The following NTM variants were observed in gnomAD, a reference collection of about 807,000 sequenced individuals.
NTM encodes the protein neurotrimin.
A neutral mutation model predicts 42.1 loss-of-function variants in NTM; 13 were observed. The observed-to-expected ratio is 0.31, with a 90% CI of 0.20 to 0.49. The LOEUF is 0.49. Among genes scored for constraint, NTM ranks in the 20% least tolerant of loss-of-function variants. NTM has a pLI of 0.99. For missense variants in NTM, 373 were observed against 452.8 expected, an observed-to-expected ratio of 0.82 and a Z score of 1.60; for synonymous variants, 187 against 179.2, an observed-to-expected ratio of 1.04 and a Z score of -0.35.
intron 4 of NTM, among the ~76,000 whole-genome samples, chr11:132,252,606 TAAAAG>T (rs2092066975): frequency 6.6e-6 from 1 of 152,148 alleles, no homozygotes; most frequent in African/African-American, 2.4e-5. Flanking sequence ...AGTTGGTTAA[TAAAAG>T]AGAGAGAAAA....
chr11:131,670,688 C>T (rs933982960), intron 1 of NTM, among the ~76,000 whole-genome samples: 3 of 152,276 alleles, frequency 2.0e-5, no homozygotes, highest in African/African-American at 7.2e-5. Context: ...TACTGTGTCC[C>T]CTTCTCCTCC....
intron 1 of NTM, among the ~76,000 whole-genome samples, chr11:131,804,085 G>T (rs894999491): frequency 6.6e-5 from 10 of 152,040 alleles, no homozygotes; most frequent in Non-Finnish European, 1.3e-4. Context: ...TTTTAACTTT[G>T]CTATTTCGTA....
At chr11:131,874,154 G>T (rs1159777854) in intron 1 of NTM, among the ~76,000 whole-genome samples, 1 of 147,226 alleles carries the variant, frequency 6.8e-6, no homozygotes, top group Non-Finnish European at 1.5e-5. Flanking sequence ...GTCTCACCTG[G>T]GCTCCCACAG....
chr11:131,598,844 TCTTTCTTCCTTC>T (rs1206750215), intron 1 of NTM, among the ~76,000 whole-genome samples: 1 of 37,426 alleles, frequency 2.7e-5, no homozygotes, highest in African/African-American at 8.2e-5. Flanking sequence ...TTTCTTTCTT[TCTTTCTTCCTTC>T]CTTCCTTCCT....
intron 2 of NTM, among the ~76,000 whole-genome samples, chr11:132,006,466 T>G (rs1319833466): frequency 6.6e-6 from 1 of 152,218 alleles, no homozygotes; most frequent in Non-Finnish European, 1.5e-5. Flanking sequence ...GGCAGCCTCT[T>G]TTTGAAATAG....
chr11:132,253,811 A>G (rs1412475627), intron 4 of NTM, among the ~76,000 whole-genome samples: 4 of 152,184 alleles, frequency 2.6e-5, no homozygotes, highest in African/African-American at 9.6e-5. Context: ...TGAAGATGAT[A>G]AAGACCTCCT....
chr11:131,550,937 G>T (rs1168364943), intron 1 of NTM, among the ~76,000 whole-genome samples: 1 of 152,106 alleles, frequency 6.6e-6, no homozygotes, highest in African/African-American at 2.4e-5. Flanking sequence ...GTTTGTTAAT[G>T]CTGTTGCCCT....
chr11:132,060,979 A>G (rs1594229285), intron 2 of NTM, among the ~76,000 whole-genome samples: 2 of 152,290 alleles, frequency 1.3e-5, no homozygotes, highest in East Asian at 1.9e-4. Context: ...TTAAGATGGC[A>G]TTTTGTGAAT....
intron 2 of NTM, among the ~76,000 whole-genome samples, chr11:132,074,794 T>C (rs965313996): frequency 6.6e-6 from 1 of 152,174 alleles, no homozygotes; most frequent in African/African-American, 2.4e-5. Context: ...TATACCACTG[T>C]AGGATGACTA....
At chr11:131,588,566 A>C (rs2059085942) in intron 1 of NTM, among the ~76,000 whole-genome samples, 1 of 152,226 alleles carries the variant, frequency 6.6e-6, no homozygotes, top group Non-Finnish European at 1.5e-5. Context: ...AAAACCAGTG[A>C]TAGCCAGAGG....
Position 132,146,426 on chromosome 11 carries a change from C to A in NTM, c.312C>A (p.Asn104Lys). The change falls in exon 3 of 9, where the codon AAC becomes AAA. Residue 104 changes from asparagine to lysine, a missense_variant. Asn to Lys is a moderately conservative substitution (Grantham distance 94, BLOSUM62 0). Around this residue, in one of 3 missense-constraint regions of NTM, gnomAD observed 312 missense variants for 353.5 expected, o/e 0.88. Transcript: ENST00000683400. This position sits in a 1 kb window ranked among gnomAD's most constrained non-coding sequence, Gnocchi z 4.5. Reference protein sequence around the residue: ...TQTQYSIEIQNVDVYDEGPYT... With the variant: ...TQTQYSIEIQKVDVYDEGPYT... ...CGCAGTACAGCATCGAGATCCAGAA[C>A]GTGGATGTGTATGACGAGGGCCCTT... 1 of 1,614,194 alleles carries A rather than the reference C, an allele frequency of 6.2e-7. No homozygotes were observed. The highest frequency in any genetic ancestry group is 2.2e-5 in the East Asian group (1 of 44,872).
Position 131,888,517 on chromosome 11 carries a change from G to T in NTM, c.83-23047G>T, listed in dbSNP as rs570317390. On this transcript the variant is annotated intron_variant, in intron 1 of 8. Coordinates refer to ENST00000683400, the MANE Select transcript of NTM (RefSeq NM_001352005.2). ...TCAGCCCCAGGTTTGGTTCCTTCAG[G>T]TCAAAGGTCACTGCAGCATCCCGAG... 8.5e-5 allele frequency among the ~76,000 whole-genome samples: 13 copies of T among 152,190 alleles called. No individual in the cohort carries two copies. In the South Asian group the frequency reaches 1.5e-3, roughly 17 times the overall value.
intron 1 of NTM, among the ~76,000 whole-genome samples, chr11:131,395,900 G>T (rs1021107987): frequency 6.6e-6 from 1 of 152,138 alleles, no homozygotes; most frequent in Admixed American, 6.5e-5. Flanking sequence ...AAAGTTCTGG[G>T]CAAATAAAGA....
At chr11:132,315,131 A>AT (rs2095394591) in intron 7 of NTM, 10 of 936,238 alleles carry the variant, frequency 1.1e-5, no homozygotes, top group Non-Finnish European at 1.1e-5. Context: ...GGGAATCATA[A>AT]TTGGGTAAAA....
chr11:131,872,974 G>A (rs912363719), intron 1 of NTM, among the ~76,000 whole-genome samples: 6 of 152,182 alleles, frequency 3.9e-5, no homozygotes, highest in African/African-American at 7.2e-5. Context: ...ATGTAAAAAC[G>A]TTCCTATTTC....
chr11:131,940,536 A>G (rs1230155904), intron 2 of NTM, among the ~76,000 whole-genome samples: 1 of 152,248 alleles, frequency 6.6e-6, no homozygotes. Context: ...GTCTTAGCAG[A>G]CAATACCTTA....
chr11:131,612,089 C>T (rs1248171590), intron 1 of NTM, among the ~76,000 whole-genome samples: 1 of 152,194 alleles, frequency 6.6e-6, no homozygotes, highest in Non-Finnish European at 1.5e-5. Context: ...GGAAAGCCAG[C>T]CACCACATCC....
At chr11:132,269,437 A>G (rs2093374576) in intron 4 of NTM, among the ~76,000 whole-genome samples, 1 of 152,194 alleles carries the variant, frequency 6.6e-6, no homozygotes, top group Non-Finnish European at 1.5e-5. Flanking sequence ...ATATTTCACT[A>G]CCGTTTGGTA....
At chr11:132,112,706 G>A (rs1404817023) in intron 2 of NTM, among the ~76,000 whole-genome samples, 1 of 132,912 alleles carries the variant, frequency 7.5e-6, no homozygotes, top group Non-Finnish European at 1.6e-5. Context: ...ACATTTTCTG[G>A]GACTGCACAC....
Sources: allele counts gnomAD v4.1 joint callset (sites outside exome capture counted in the v4.1 genomes callset), GRCh38; gene constraint gnomAD v4.1.1; regional missense constraint gnomAD v4.1.1; non-coding constraint Gnocchi (gnomAD v3.1); transcripts MANE v1.5; gene names NCBI Gene and HGNC (gene_info 2026-07-23, HGNC 2026-07-21).